Variants in NPR3 observed in about 807,000 individuals in gnomAD.
The protein encoded by NPR3 is atrial natriuretic peptide receptor 3.
Under a neutral mutation model 54.5 loss-of-function variants are expected in NPR3, and 34 were observed. The observed-to-expected ratio is 0.62, with a 90% CI of 0.47 to 0.83. The LOEUF is 0.83. NPR3 is among the 40% of genes least tolerant of loss of function. The probability of loss-of-function intolerance (pLI) is 0.00; values close to 1 mark genes in which losing one functional copy is unlikely to be tolerated. For synonymous variants in NPR3, 289 were observed against 297.1 expected, an observed-to-expected ratio of 0.97 and a Z score of 0.28; for missense variants, 674 against 720.8, an observed-to-expected ratio of 0.94 and a Z score of 0.74.
At chr5:32,776,250 T>A (rs868628443) in intron 4 of NPR3, among the ~76,000 whole-genome samples, 7 of 152,224 alleles carry the variant, frequency 4.6e-5, no homozygotes, top group African/African-American at 1.7e-4. Flanking sequence ...TCCAATGCAG[T>A]TTTAAATGAC....
chr5:32,790,490 G>C lies in NPR3; in HGVS notation c.*4145G>C, dbSNP rs1742853844. 1 of 166,746 alleles carries C rather than the reference G, an allele frequency of 6.0e-6. No homozygotes were observed. Among genetic ancestry groups the C allele is most frequent in the African/African-American group, 2.4e-5 (1 of 41,390 alleles). The allele number at this position is 166,746 out of a possible 1,614,324, so 10.3% of individuals were successfully genotyped here. A position where few individuals can be genotyped will look rare whatever the true frequency, so the allele number is the denominator to read the frequency against. On this transcript the variant is annotated 3_prime_UTR_variant, in exon 8 of 8. Transcript: ENST00000265074. ...AGTGCTGGTTTTAAGAATGTAGCTG[G>C]CTTTTCATCAGAACCCTTATGCTAA...
At chr5:32,733,547 A>G (rs909362215) in intron 2 of NPR3, among the ~76,000 whole-genome samples, 2 of 152,212 alleles carry the variant, frequency 1.3e-5, no homozygotes, top group African/African-American at 2.4e-5. Flanking sequence ...CTCAGAGAGC[A>G]CTAATTAAGA....
At chr5:32,710,888 GTGTATA>G, upstream of NPR3, 1 of 951,402 alleles carries the variant, frequency 1.1e-6, no homozygotes, top group Non-Finnish European at 1.4e-6. Flanking sequence ...CGGTGTGTGT[GTGTATA>G]TGTGTGTGTG....
upstream of NPR3, chr5:32,710,548 G>T: frequency 8.0e-7 from 1 of 1,251,322 alleles, no homozygotes; most frequent in Non-Finnish European, 1.1e-6. Context: ...TGTGACCTCG[G>T]CACCGCTGCG....
At chr5:32,774,649 T>C in intron 3 of NPR3, 59 bp from the exon 4 acceptor site, 4 of 1,373,068 alleles carry the variant, frequency 2.9e-6, no homozygotes, top group Non-Finnish European at 4.2e-6. Context: ...ATTGCTCATC[T>C]TATTCCTGGC....
Position 32,783,036 on chromosome 5 carries a change from T to G in NPR3, c.1426+8T>G. The G allele has an allele frequency of 6.3e-7, 1 of 1,593,834 alleles. No homozygotes were observed. The highest frequency in any genetic ancestry group is 8.6e-7 in the Non-Finnish European group (1 of 1,168,942). On this transcript the variant is annotated splice_region_variant and intron_variant, in intron 6 of 7. Coordinates refer to ENST00000265074, the MANE Select transcript of NPR3 (RefSeq NM_001204375.2). ...GCTCTCCCTGCAAATCATGTAAGTC[T>G]GGAGACTTAATTTGCTATGTATGTC...
chr5:32,762,013 A>G (rs775257587), intron 3 of NPR3, among the ~76,000 whole-genome samples: 4 of 150,946 alleles, frequency 2.6e-5, no homozygotes, highest in Admixed American at 6.6e-5. Flanking sequence ...TAATTCTTCA[A>G]CTCCCACTTA....
intron 3 of NPR3, among the ~76,000 whole-genome samples, chr5:32,744,000 T>C (rs1345285751): frequency 6.8e-6 from 1 of 146,864 alleles, no homozygotes; most frequent in African/African-American, 2.6e-5. Flanking sequence ...TTTTTTTTTT[T>C]TTTTTTTTTT....
upstream of NPR3, among the ~76,000 whole-genome samples, chr5:32,708,514 T>G (rs1163319323): frequency 6.6e-6 from 1 of 152,204 alleles, no homozygotes; most frequent in East Asian, 1.9e-4. Flanking sequence ...TTCCTAACAC[T>G]TTCACATGAT....
At chr5:32,712,612 C>T in intron 1 of NPR3, 67 bp downstream of exon 1, 1 of 1,418,140 alleles carries the variant, frequency 7.1e-7, no homozygotes. Flanking sequence ...TCCCTGCACA[C>T]TCGTCCACTC....
chr5:32,774,176 C>A (rs536548397), intron 3 of NPR3, among the ~76,000 whole-genome samples: 1 of 152,196 alleles, frequency 6.6e-6, no homozygotes, highest in African/African-American at 2.4e-5. Flanking sequence ...AAATGCTAGG[C>A]AGACAGGCAG....
intron 1 of NPR3, among the ~76,000 whole-genome samples, chr5:32,719,246 C>T (rs957892782): frequency 1.8e-4 from 27 of 152,112 alleles, no homozygotes; most frequent in Non-Finnish European, 3.2e-4. Context: ...CAACATCTTC[C>T]TGGGACTTCC....
chr5:32,719,240 A>T (rs1031315571), intron 1 of NPR3, among the ~76,000 whole-genome samples: 34 of 152,084 alleles, frequency 2.2e-4, no homozygotes, highest in Non-Finnish European at 7.4e-5. Context: ...GTTCTTCAAC[A>T]TCTTCCTGGG....
intron 1 of NPR3, 144 bp downstream of exon 1, chr5:32,712,689 C>G (rs138991154): frequency 6.8e-6 from 5 of 733,790 alleles, no homozygotes; most frequent in Non-Finnish European, 1.1e-5. Flanking sequence ...AGGTATGCGC[C>G]GTGTGGCTGC....
chr5:32,707,194 A>C (rs1738019610), upstream of NPR3, among the ~76,000 whole-genome samples: 2 of 152,340 alleles, frequency 1.3e-5, no homozygotes, highest in East Asian at 3.9e-4. Context: ...GTTGATGGAA[A>C]TCTAAGAGGA....
At chr5:32,711,089 G>T (rs1455684481), upstream of NPR3, among the ~76,000 whole-genome samples, 9 of 152,158 alleles carry the variant, frequency 5.9e-5, no homozygotes, top group Non-Finnish European at 1.3e-4. Flanking sequence ...AAGGCAGAGG[G>T]CCTGCGGGGA....
chr5:32,742,801 A>C (rs963121718), intron 3 of NPR3, among the ~76,000 whole-genome samples: 34 of 152,126 alleles, frequency 2.2e-4, no homozygotes, highest in African/African-American at 8.0e-4. Flanking sequence ...TATTCCTTCT[A>C]ATACGATAAC....
At chr5:32,714,402 T>C (rs563991113) in intron 1 of NPR3, among the ~76,000 whole-genome samples, 3 of 141,944 alleles carry the variant, frequency 2.1e-5, no homozygotes, top group Non-Finnish European at 3.1e-5. Flanking sequence ...CTGGTGGGCC[T>C]GGGGACTGGT....
At chr5:32,770,160 A>G (rs1741679911) in intron 3 of NPR3, among the ~76,000 whole-genome samples, 1 of 152,208 alleles carries the variant, frequency 6.6e-6, no homozygotes, top group African/African-American at 2.4e-5. Flanking sequence ...GGCCTGGTAC[A>G]GTGGCTCATG....
Sources: allele counts gnomAD v4.1 joint callset (sites outside exome capture counted in the v4.1 genomes callset), GRCh38; gene constraint gnomAD v4.1.1; transcripts MANE v1.5; gene names NCBI Gene and HGNC (gene_info 2026-07-23, HGNC 2026-07-21).